Variants in TENM2 observed in about 807,000 individuals in gnomAD.
TENM2 encodes teneurin-2.
In TENM2, 52 loss-of-function variants were observed where a neutral mutation model predicts 245.2. That is an observed-to-expected ratio of 0.21 (90% CI 0.17 to 0.27). The LOEUF is 0.27. TENM2 is among the 10% of genes least tolerant of loss of function. The pLI is 1.00. For synonymous variants in TENM2, 1,363 were observed against 1,438.9 expected (o/e 0.95, Z 1.19); for missense variants, 3,046 against 3,666.8 (o/e 0.83, Z 4.37).
At chr5:167,953,196 C>T (rs761273092) in intron 4 of TENM2, among the ~76,000 whole-genome samples, 10 of 152,144 alleles carry the variant, frequency 6.6e-5, no homozygotes, top group Non-Finnish European at 1.2e-4. Flanking sequence ...TAAATGAAGA[C>T]TCATTTGAAA....
chr5:168,219,177 C>G (rs1171178311), intron 23 of TENM2, among the ~76,000 whole-genome samples, 178 bp downstream of exon 25: 2 of 152,316 alleles, frequency 1.3e-5, no homozygotes, highest in South Asian at 2.1e-4. Context: ...ATGATTTGCT[C>G]TAATGGATCT....
intron 12 of TENM2, among the ~76,000 whole-genome samples, chr5:168,147,647 G>A (rs77293598): frequency 0.011 from 1,610 of 152,306 alleles, 37 homozygotes; most frequent in African/African-American, 0.037. Flanking sequence ...GTGCAGCCAG[G>A]ATTCTCATCC....
At position 167,664,437 on chromosome 5, in the gene TENM2, G is replaced by C. The variant is rs943370842; in HGVS notation, c.503-211549G>C. Among the ~76,000 whole-genome samples the C allele has an allele frequency of 2.0e-5, 3 of 152,152 alleles. No homozygotes were observed. The East Asian group carries it at 5.8e-4, about 29-fold the overall frequency. On this transcript the variant is annotated intron_variant, in intron 2 of 28. Coordinates refer to ENST00000518659, the Ensembl canonical transcript of TENM2. The stretch of plus-strand genomic sequence containing the variant: ...ATTATTCATTTTGTTAATGAGGAAA[G>C]TGAGGCTCAGAGTTCAACTTGCTGG...
At chr5:167,595,713 A>G (rs1398918444) in intron 2 of TENM2, among the ~76,000 whole-genome samples, 1 of 152,226 alleles carries the variant, frequency 6.6e-6, no homozygotes, top group Non-Finnish European at 1.5e-5. Flanking sequence ...CATGACACAC[A>G]AACTAACAGC....
At position 168,022,333 on chromosome 5, in the gene TENM2, TGACA is replaced by T. The variant is rs1240330485; in HGVS notation, c.1187-25091_1187-25088del. 4.6e-5 allele frequency among the ~76,000 whole-genome samples: 7 copies of T among 152,344 alleles called. No individual in the cohort carries two copies. In the East Asian group the frequency reaches 1.2e-3, roughly 25 times the overall value. Reference sequence around the variant, plus strand: ...TTTTTTTAACCCCTAGGGGAGAAGTTGACAGATTGTGAACATCAATAGTTATTGA... The same window carrying T: ...TTTTTTTAACCCCTAGGGGAGAAGTTGATTGTGAACATCAATAGTTATTGA... On this transcript the variant is annotated intron_variant, in intron 5 of 28. Transcript: ENST00000518659.
the TENM2 span, among the ~76,000 whole-genome samples, chr5:167,123,483 G>T: frequency 6.6e-6 from 1 of 152,168 alleles, no homozygotes; most frequent in Non-Finnish European, 1.5e-5. Context: ...GTTGACCCAT[G>T]ATCTTAAAGG....
chr5:168,100,727 C>T (rs1408335069), intron 9 of TENM2, among the ~76,000 whole-genome samples: 1 of 151,916 alleles, frequency 6.6e-6, no homozygotes, highest in Non-Finnish European at 1.5e-5. Flanking sequence ...CACAGTGAGG[C>T]CTGTCAGGGG....
the TENM2 span, among the ~76,000 whole-genome samples, chr5:167,197,480 A>G: frequency 1.3e-5 from 2 of 152,122 alleles, no homozygotes; most frequent in Non-Finnish European, 2.9e-5. Flanking sequence ...ATAAGAGCCA[A>G]GAGGCTTCTT....
chr5:167,195,661 AT>A, the TENM2 span, among the ~76,000 whole-genome samples: 1 of 152,028 alleles, frequency 6.6e-6, no homozygotes. Context: ...CAGATCTATT[AT>A]TTATAAATAA....
the TENM2 span, among the ~76,000 whole-genome samples, chr5:166,983,257 T>A: frequency 6.6e-6 from 1 of 152,104 alleles, no homozygotes; most frequent in African/African-American, 2.4e-5. Flanking sequence ...TTTAATATAT[T>A]GTATACTACA....
At chr5:167,297,430 C>G (rs1235829968) in intron 1 of TENM2, 2 of 152,126 alleles carry the variant, frequency 1.3e-5, no homozygotes, top group South Asian at 4.1e-4. Flanking sequence ...CACATTGTGT[C>G]AAACATTAAA....
At chr5:167,490,244 CATATA>C (rs748524181) in intron 2 of TENM2, among the ~76,000 whole-genome samples, 1 of 152,082 alleles carries the variant, frequency 6.6e-6, no homozygotes. Context: ...CCACACAATG[CATATA>C]ATAAGTTTTT....
chr5:168,043,163 T>C (rs1300814552), intron 5 of TENM2, among the ~76,000 whole-genome samples: 2 of 151,948 alleles, frequency 1.3e-5, no homozygotes, highest in African/African-American at 4.8e-5. Context: ...CAGGATCTCT[T>C]GAGGAGACCA....
At chr5:167,005,655 GTTTTTTTTTTTTTT>G in the TENM2 span, among the ~76,000 whole-genome samples, 4 of 52,976 alleles carry the variant, frequency 7.6e-5, no homozygotes, top group South Asian at 2.7e-3. Flanking sequence ...CTGTGTGTGG[GTTTTTTTTTTTTTT>G]TTTTTTTTTT....
intron 12 of TENM2, among the ~76,000 whole-genome samples, chr5:168,161,837 C>CACACACACACACACAT (rs1181082878): frequency 6.6e-6 from 1 of 151,786 alleles, no homozygotes; most frequent in Non-Finnish European, 1.5e-5. Flanking sequence ...CACACACACA[C>CACACACACACACACAT]ACACACATCA....
chr5:167,143,802 G>T, the TENM2 span, among the ~76,000 whole-genome samples: 1 of 152,154 alleles, frequency 6.6e-6, no homozygotes, highest in Non-Finnish European at 1.5e-5. Flanking sequence ...GCTTTTAAAA[G>T]AACTAATTAT....
At chr5:168,049,950 G>GT (rs1788933151) in intron 6 of TENM2, among the ~76,000 whole-genome samples, 1 of 152,072 alleles carries the variant, frequency 6.6e-6, no homozygotes. Context: ...CTACAGGCAT[G>GT]TGCCACCACG....
At chr5:168,175,313 A>AACTC (rs533722105) in intron 13 of TENM2, among the ~76,000 whole-genome samples, 1 of 152,144 alleles carries the variant, frequency 6.6e-6, no homozygotes, top group Non-Finnish European at 1.5e-5. Context: ...TCCAATCAAA[A>AACTC]ACTCATCATT....
At chr5:167,140,366 T>A in the TENM2 span, among the ~76,000 whole-genome samples, 1 of 152,220 alleles carries the variant, frequency 6.6e-6, no homozygotes, top group South Asian at 2.1e-4. Flanking sequence ...CCTATTGTGC[T>A]ATCAAATAGT....
Sources: gnomAD v4.1 joint callset for allele counts (sites outside exome capture counted in the v4.1 genomes callset) on GRCh38, gnomAD v4.1.1 for gene constraint, MANE v1.5 for transcripts, NCBI Gene and HGNC (gene_info 2026-07-23, HGNC 2026-07-21) for gene names.